The following GMDS variants were observed in gnomAD, a reference collection of about 807,000 sequenced individuals.
GMDS encodes the protein GDP-mannose 4,6-dehydratase.
GMDS carries 20 observed loss-of-function variants against 49.9 expected under a neutral mutation model. The observed-to-expected ratio is 0.40, with a 90% CI of 0.28 to 0.58. GMDS has a LOEUF of 0.58. GMDS is among the 20% of genes least tolerant of loss of function. The probability of loss-of-function intolerance (pLI) is 0.42; values close to 1 mark genes in which losing one functional copy is unlikely to be tolerated. For synonymous variants in GMDS, 177 were observed against 178.6 expected, an observed-to-expected ratio of 0.99 and a Z score of 0.07; for missense variants, 362 against 481.4, an observed-to-expected ratio of 0.75 and a Z score of 2.32.
chr6:1,919,678 G>A lies in GMDS; in HGVS notation c.771+10425C>T, dbSNP rs145289675. ...GAAATTTGATCCCAAGAGTACAATG[G>A]CTTTTGAATATTCTTCACCTTCAAT... On this transcript the variant is annotated intron_variant, in intron 7 of 10. Transcript: ENST00000380815. 4.0e-3 allele frequency among the ~76,000 whole-genome samples: 608 copies of A among 152,220 alleles called. 7 individuals carry two copies. Among genetic ancestry groups the A allele is most frequent in the African/African-American group, 0.014 (575 of 41,528 alleles).
chr6:1,790,319 A>C (rs1769485218), intron 7 of GMDS, among the ~76,000 whole-genome samples: 1 of 152,242 alleles, frequency 6.6e-6, no homozygotes, highest in Non-Finnish European at 1.5e-5. Flanking sequence ...GAATGCCTCC[A>C]AAGTCTCCAT....
intron 9 of GMDS, among the ~76,000 whole-genome samples, chr6:1,651,569 C>T (rs1417162703): frequency 6.6e-6 from 1 of 152,240 alleles, no homozygotes; most frequent in African/African-American, 2.4e-5. Context: ...GTGGGACATA[C>T]TTGGCTCATC....
intron 1 of GMDS, among the ~76,000 whole-genome samples, chr6:2,233,573 A>G (rs1781210001): frequency 1.3e-5 from 2 of 152,236 alleles, no homozygotes; most frequent in African/African-American, 4.8e-5. Context: ...TAATCCCAGC[A>G]CTTTGAGAGG....
At chr6:2,060,464 T>C (rs973363327) in intron 4 of GMDS, among the ~76,000 whole-genome samples, 5 of 152,334 alleles carry the variant, frequency 3.3e-5, no homozygotes, top group Admixed American at 1.3e-4. Flanking sequence ...ATTCAAATCA[T>C]GATGACTGGG....
chr6:2,230,930 T>TCCCCCCC (rs797010185), intron 1 of GMDS, among the ~76,000 whole-genome samples: 11 of 14,544 alleles, frequency 7.6e-4, no homozygotes, highest in Admixed American at 1.0e-3. Flanking sequence ...AGTATTCTCT[T>TCCCCCCC]CCCCCCTCCC....
intron 6 of GMDS, among the ~76,000 whole-genome samples, chr6:1,944,087 A>AT (rs1400340370): frequency 6.6e-6 from 1 of 152,240 alleles, no homozygotes; most frequent in Non-Finnish European, 1.5e-5. Flanking sequence ...TCACAGAAGG[A>AT]TAATGTTCAT....
intron 1 of GMDS, among the ~76,000 whole-genome samples, chr6:2,231,651 A>G (rs946980870): frequency 2.6e-5 from 4 of 152,210 alleles, no homozygotes; most frequent in Non-Finnish European, 5.9e-5. Context: ...AATGCTTACC[A>G]AGCACCTTTT....
chr6:2,053,602 A>T (rs2127439481), intron 4 of GMDS, among the ~76,000 whole-genome samples: 2 of 152,208 alleles, frequency 1.3e-5, no homozygotes, highest in East Asian at 3.9e-4. Flanking sequence ...CAAATTTTGC[A>T]TCATAATAGT....
At chr6:2,193,211 G>A (rs188115048) in intron 1 of GMDS, among the ~76,000 whole-genome samples, 11 of 152,310 alleles carry the variant, frequency 7.2e-5, no homozygotes, top group East Asian at 3.9e-4. Context: ...GAATATTCAC[G>A]TGGGTAAAAA....
chr6:1,802,622 C>G (rs185065783), intron 7 of GMDS, among the ~76,000 whole-genome samples: 1 of 152,178 alleles, frequency 6.6e-6, no homozygotes, highest in Non-Finnish European at 1.5e-5. Context: ...CGCTGTTGTT[C>G]GGCAGGAGGT....
intron 7 of GMDS, among the ~76,000 whole-genome samples, chr6:1,838,111 G>C (rs895437542): frequency 3.3e-5 from 5 of 152,186 alleles, no homozygotes; most frequent in African/African-American, 1.2e-4. Context: ...GAAGTCTCCA[G>C]ATACAGGAAA....
chr6:2,062,270 C>G (rs1352005080), intron 4 of GMDS, among the ~76,000 whole-genome samples: 2 of 152,180 alleles, frequency 1.3e-5, no homozygotes, highest in Non-Finnish European at 2.9e-5. Context: ...AGCAGTCGCT[C>G]TTCTGGGGCA....
At chr6:2,155,299 G>T (rs1363544712) in intron 1 of GMDS, among the ~76,000 whole-genome samples, 1 of 152,106 alleles carries the variant, frequency 6.6e-6, no homozygotes, top group South Asian at 2.1e-4. Context: ...AAACACAAAA[G>T]CTGAGAAGCT....
At chr6:1,631,421 T>C (rs1040490085) in intron 9 of GMDS, among the ~76,000 whole-genome samples, 5 of 152,156 alleles carry the variant, frequency 3.3e-5, no homozygotes, top group African/African-American at 1.2e-4. Context: ...CTGAATTGCA[T>C]AAGAGGAAGG....
At chr6:1,977,452 A>G (rs1051931912) in intron 4 of GMDS, among the ~76,000 whole-genome samples, 5 of 152,214 alleles carry the variant, frequency 3.3e-5, no homozygotes, top group Non-Finnish European at 7.3e-5. Flanking sequence ...TCAATGTTCA[A>G]TTCAAAATAG....
At chr6:2,042,329 C>T (rs1187326795) in intron 4 of GMDS, among the ~76,000 whole-genome samples, 1 of 152,150 alleles carries the variant, frequency 6.6e-6, no homozygotes, top group Non-Finnish European at 1.5e-5. Context: ...CTTTTCTTCT[C>T]CTAATGCCCA....
At chr6:1,644,241 G>A (rs946032779) in intron 9 of GMDS, among the ~76,000 whole-genome samples, 6 of 152,098 alleles carry the variant, frequency 3.9e-5, no homozygotes, top group Non-Finnish European at 8.8e-5. Flanking sequence ...GATTCCACCC[G>A]AGCGAACGTG....
intron 7 of GMDS, among the ~76,000 whole-genome samples, chr6:1,894,483 G>A (rs1760049698): frequency 6.6e-6 from 1 of 152,136 alleles, no homozygotes; most frequent in Admixed American, 6.5e-5. Flanking sequence ...AAAACATTAA[G>A]AGAACAATAA....
At chr6:2,013,722 T>C (rs1350077878) in intron 4 of GMDS, among the ~76,000 whole-genome samples, 1 of 151,710 alleles carries the variant, frequency 6.6e-6, no homozygotes, top group African/African-American at 2.4e-5. Flanking sequence ...CATCGCAAAC[T>C]ACAATGCAGA....
Sources: allele counts gnomAD v4.1 joint callset (sites outside exome capture counted in the v4.1 genomes callset), GRCh38; gene constraint gnomAD v4.1.1; transcripts MANE v1.5; gene names NCBI Gene and HGNC (gene_info 2026-07-23, HGNC 2026-07-21).